ACOX3: variants seen among roughly 807,000 people sequenced by gnomAD.
ACOX3 encodes peroxisomal acyl-coenzyme A oxidase 3.
A neutral mutation model predicts 81.5 loss-of-function variants in ACOX3; 73 were observed. The observed-to-expected ratio is 0.90, with a 90% CI of 0.74 to 1.09. The LOEUF (loss-of-function observed/expected upper bound fraction) is 1.09, where lower values mean the gene tolerates loss of function less well. Among genes scored for constraint, ACOX3 ranks in the 50% least tolerant of loss-of-function variants. The pLI is 0.00. For synonymous variants in ACOX3, 387 were observed against 375.1 expected, an observed-to-expected ratio of 1.03 and a Z score of -0.37; for missense variants, 947 against 928.0, an observed-to-expected ratio of 1.02 and a Z score of -0.27.
chr4:8,378,586 G>A (rs906366144), intron 14 of ACOX3, among the ~76,000 whole-genome samples: 1 of 150,920 alleles, frequency 6.6e-6, no homozygotes, highest in Admixed American at 6.6e-5. Context: ...CCAGGCTGGA[G>A]GCAGGCTGCG....
intron 7 of ACOX3, among the ~76,000 whole-genome samples, chr4:8,404,939 A>C (rs971001912): frequency 6.6e-6 from 1 of 152,010 alleles, no homozygotes; most frequent in African/African-American, 2.4e-5. Flanking sequence ...CGGGGGAGAC[A>C]GCGTGTGGAG....
rs1722403131 is a variant in ACOX3 at position 8,416,875 on chromosome 4, C to T, written c.-14-340G>A. Among the ~76,000 whole-genome samples, 1 of 152,218 alleles carries T rather than the reference C, an allele frequency of 6.6e-6. No homozygotes were observed. Among genetic ancestry groups the T allele is most frequent in the African/African-American group, 2.4e-5 (1 of 41,454 alleles). On this transcript the variant is annotated intron_variant, in intron 1 of 17. Coordinates refer to ENST00000356406, the MANE Select transcript of ACOX3 (RefSeq NM_003501.3). This position sits in a 1 kb window ranked among gnomAD's most constrained non-coding sequence, Gnocchi z 4.2. Reference sequence around the variant, plus strand: ...AGAGTACCCTGCCCTCTTGGGAGCACCCCGGACATCCAGACTCATCCCCAA... The same window carrying T: ...AGAGTACCCTGCCCTCTTGGGAGCATCCCGGACATCCAGACTCATCCCCAA...
At position 8,373,936 on chromosome 4, in the gene ACOX3, C is replaced by T. The variant is rs892589853; in HGVS notation, c.1829-308G>A. On this transcript the variant is annotated intron_variant, in intron 15 of 17. Transcript: ENST00000356406. ...TCATACCTGCTGGGGTTCAGGGAGG[C>T]TGGGCGGGTTCCTTCCTCGGGAGAA... 7 of 423,322 alleles carry T rather than the reference C, an allele frequency of 1.7e-5. No homozygotes were observed. The East Asian group carries it at 3.2e-4, about 20-fold the overall frequency. The allele number at this position is 423,322 out of a possible 1,614,324, so 26.2% of individuals were successfully genotyped here.
chr4:8,361,887 T>A (rs1037084854), downstream of ACOX3, among the ~76,000 whole-genome samples: 1 of 152,224 alleles, frequency 6.6e-6, no homozygotes, highest in Non-Finnish European at 1.5e-5. Context: ...GGGCTGTTAT[T>A]TGTATAAATG....
chr4:8,376,438 C>T (rs951455762), intron 14 of ACOX3, among the ~76,000 whole-genome samples: 17 of 152,214 alleles, frequency 1.1e-4, no homozygotes, highest in East Asian at 5.8e-4. Flanking sequence ...TGGCCTATGA[C>T]GCTGCTATGA....
chr4:8,422,206 G>A (rs1723022206), intron 1 of ACOX3, among the ~76,000 whole-genome samples: 1 of 151,978 alleles, frequency 6.6e-6, no homozygotes, highest in Non-Finnish European at 1.5e-5. Flanking sequence ...AAGAAAGGCA[G>A]AAAGTCAAAG....
rs374575831 is a variant in ACOX3, at chr4:8,399,615, T to A, written c.814A>T (p.Ser272Cys). The change falls in exon 8 of 18, where the codon AGC becomes TGC. Residue 272 changes from serine (S) to cysteine (C), a missense_variant. Physicochemically the swap from Ser to Cys is moderately radical, Grantham distance 112. Coordinates refer to ENST00000356406, the MANE Select transcript of ACOX3 (RefSeq NM_003501.3). This position sits in a 1 kb window ranked among gnomAD's most constrained non-coding sequence, Gnocchi z 4.9. ...MFHKVRVPRQ[S>C]LLNRMGDVTP... ...ACGTCTCCCATCCGGTTCAGAAGGC[T>A]CTGGCGAGGAACTCTGACCTTGTGG... The A allele has an allele frequency of 1.2e-6, 2 of 1,613,986 alleles. No individual in the cohort carries two copies. The highest frequency in any genetic ancestry group is 4.5e-5 in the East Asian group (2 of 44,880).
At chr4:8,390,056 T>A (rs1436156914) in intron 11 of ACOX3, among the ~76,000 whole-genome samples, 2 of 145,374 alleles carry the variant, frequency 1.4e-5, no homozygotes, top group African/African-American at 5.4e-5. Flanking sequence ...TGAGCCGAGA[T>A]TGCGCAACTG....
chr4:8,365,755 G>T (rs1272292505), downstream of ACOX3, among the ~76,000 whole-genome samples: 1 of 152,204 alleles, frequency 6.6e-6, no homozygotes, highest in Non-Finnish European at 1.5e-5. Context: ...ATGTGGTGGG[G>T]GGGTGGTGTC....
chr4:8,376,897 G>A (rs897712464), intron 14 of ACOX3, among the ~76,000 whole-genome samples: 2 of 152,094 alleles, frequency 1.3e-5, no homozygotes, highest in African/African-American at 4.8e-5. Flanking sequence ...GAGCCCTGCC[G>A]AGTGAGGTGG....
Position 8,370,206 on chromosome 4 carries a change from C to T in ACOX3, c.1983+702G>A, listed in dbSNP as rs1454821355. The stretch of plus-strand genomic sequence containing the variant: ...GGCCCTGGGGTGGGCATGGGCCTGG[C>T]GCGACAGACGGGGAGGCCAGTAAGG... On this transcript the variant is annotated intron_variant, in intron 17 of 17. Coordinates refer to ENST00000356406, the MANE Select transcript of ACOX3 (RefSeq NM_003501.3). The surrounding 1 kb of genome is among the most constrained non-coding windows in gnomAD (Gnocchi z 6.3). Among the ~76,000 whole-genome samples, 2 of 152,150 alleles carry T rather than the reference C, an allele frequency of 1.3e-5. No homozygotes were observed. Among genetic ancestry groups the T allele is most frequent in the Non-Finnish European group, 2.9e-5 (2 of 68,018 alleles).
downstream of ACOX3, among the ~76,000 whole-genome samples, chr4:8,365,520 C>T (rs745674859): frequency 4.6e-5 from 7 of 152,336 alleles, no homozygotes; most frequent in Middle Eastern, 3.4e-3. Context: ...CTTCTGGTCC[C>T]GCTCGGCCAC....
Position 8,392,401 on chromosome 4 carries a change from G to T in ACOX3, c.1232C>A (p.Ala411Asp). 2.5e-6 allele frequency: 4 copies of T among 1,609,018 alleles called. No homozygotes were observed. Among genetic ancestry groups the T allele is most frequent in the Non-Finnish European group, 3.4e-6 (4 of 1,178,318 alleles). ...AATTCCTTGCTGGGTGGTCCACGAG[G>T]CCAGGGGCTTGCTGGCCGATGCCAG... ...HALASASKPL[A>D]SWTTQQGIQE... is the part of the protein sequence containing the mutation. The change falls in exon 11 of 18, where the codon GCC (alanine) becomes GAC (aspartate). Residue 411 changes from alanine to aspartate, a missense_variant. Transcript: ENST00000356406.
chr4:8,434,486 G>T (rs1288345955), intron 1 of ACOX3, among the ~76,000 whole-genome samples: 1 of 152,274 alleles, frequency 6.6e-6, no homozygotes, highest in Admixed American at 6.5e-5. Context: ...GGGGGCTCCA[G>T]CCAGCTTGCG....
intron 3 of ACOX3, 82 bp downstream of exon 3, chr4:8,415,684 T>C (rs1722248523): frequency 1.6e-6 from 2 of 1,216,508 alleles, no homozygotes; most frequent in South Asian, 2.7e-5. Context: ...TCTCTGCCTC[T>C]TGGTTGGCCC....
chr4:8,365,610 A>T (rs555293135), downstream of ACOX3, among the ~76,000 whole-genome samples: 1 of 152,026 alleles, frequency 6.6e-6, no homozygotes, highest in Non-Finnish European at 1.5e-5. Flanking sequence ...GGCACAGCTC[A>T]CCCCACGCGG....
At position 8,430,743 on chromosome 4, in the gene ACOX3, C is replaced by T. The variant is rs969262972; in HGVS notation, c.-15+9905G>A. ...TGGTGGCGGGCGCCTGTAATCCCAG[C>T]TACTTGGGAGGCTGAGGCAAGAGAA... On this transcript the variant is annotated intron_variant, in intron 1 of 17. Coordinates refer to ENST00000356406, the MANE Select transcript of ACOX3 (RefSeq NM_003501.3). The surrounding 1 kb of genome is among the most constrained non-coding windows in gnomAD (Gnocchi z 5.2). 2.6e-5 allele frequency among the ~76,000 whole-genome samples: 4 copies of T among 152,156 alleles called. No individual in the cohort carries two copies. The highest frequency in any genetic ancestry group is 6.5e-5 in the Admixed American group (1 of 15,282).
At chr4:8,409,994 T>A (rs547930205) in intron 6 of ACOX3, among the ~76,000 whole-genome samples, 26 of 151,040 alleles carry the variant, frequency 1.7e-4, no homozygotes, top group African/African-American at 6.1e-4. Context: ...CGGGGCTATC[T>A]GCATTGTGGG....
chr4:8,382,415 G>A lies in ACOX3; in HGVS notation c.1538-808C>T, dbSNP rs1338475755. Among the ~76,000 whole-genome samples, 3 of 152,194 alleles carry A rather than the reference G, an allele frequency of 2.0e-5. No homozygotes were observed. The highest frequency in any genetic ancestry group is 2.9e-5 in the Non-Finnish European group (2 of 68,028). On this transcript the variant is annotated intron_variant, in intron 13 of 17. Transcript: ENST00000356406. The surrounding 1 kb of genome is among the most constrained non-coding windows in gnomAD (Gnocchi z 4.1). Reference sequence around the variant, plus strand: ...GCTACTACCCCACTGATGAGGACACGGGCCCAGGGACCCAGGTACATGGCG... The same window carrying A: ...GCTACTACCCCACTGATGAGGACACAGGCCCAGGGACCCAGGTACATGGCG...
Sources: allele counts gnomAD v4.1 joint callset (sites outside exome capture counted in the v4.1 genomes callset), GRCh38; gene constraint gnomAD v4.1.1; non-coding constraint Gnocchi (gnomAD v3.1); transcripts MANE v1.5; gene names NCBI Gene and HGNC (gene_info 2026-07-23, HGNC 2026-07-21).